The following KPNA6 variants were observed in gnomAD, a reference collection of about 807,000 sequenced individuals.
KPNA6 encodes karyopherin subunit alpha 6.
A neutral mutation model predicts 72.0 loss-of-function variants in KPNA6; 9 were observed. The ratio of observed to expected loss-of-function variants is 0.13; its 90% confidence interval spans 0.08 to 0.22. The LOEUF (loss-of-function observed/expected upper bound fraction) is 0.22, where lower values mean the gene tolerates loss of function less well. Ranked by LOEUF, KPNA6 falls within the 10% of genes least tolerant of loss-of-function variation. The probability of loss-of-function intolerance (pLI) is 1.00; values close to 1 mark genes in which losing one functional copy is unlikely to be tolerated. For missense variants in KPNA6, 374 were observed against 655.7 expected (o/e 0.57, Z 4.69); for synonymous variants, 219 against 242.1 (o/e 0.90, Z 0.89).
intron 1 of KPNA6, among the ~76,000 whole-genome samples, chr1:32,118,646 G>A (rs1010202186): frequency 3.3e-5 from 5 of 151,836 alleles, no homozygotes; most frequent in African/African-American, 4.8e-5. Flanking sequence ...AAAAAAATTA[G>A]TTGGGCGTGG....
rs1370263862 is a variant in KPNA6, at chr1:32,158,339, G to A, written c.404G>A (p.Arg135Lys). Residue 135 changes from arginine to lysine, a missense_variant, in exon 5 of 14, where the codon AGG (arginine) becomes AAG (lysine). Coordinates refer to ENST00000373625, the MANE Select transcript of KPNA6 (RefSeq NM_012316.5). ...VVDRFVEFLK[R>K]NENCTLQFEA... ...GATCGGTTCGTGGAGTTTCTGAAGA[G>A]GAATGAGAATTGTACATTACAGGTG... 2.5e-6 allele frequency: 4 copies of A among 1,612,756 alleles called. No homozygotes were observed. The highest frequency in any genetic ancestry group is 3.4e-6 in the Non-Finnish European group (4 of 1,178,812).
Position 32,108,084 on chromosome 1 carries a change from G to C in KPNA6, c.-47G>C. On this transcript the variant is annotated 5_prime_UTR_variant, in exon 1 of 14. Coordinates refer to ENST00000373625, the MANE Select transcript of KPNA6 (RefSeq NM_012316.5). ...TTGTCTACTGAAAGCTGCCGCTGAA[G>C]CTGCCGCCGTTGCCTCCGCCGCCAA... The C allele has an allele frequency of 6.2e-7, 1 of 1,613,822 alleles. No individual in the cohort carries two copies. The highest frequency in any genetic ancestry group is 2.2e-5 in the East Asian group (1 of 44,880).
chr1:32,165,794 A>G (rs1019449277), intron 10 of KPNA6, among the ~76,000 whole-genome samples: 7 of 151,870 alleles, frequency 4.6e-5, no homozygotes, highest in African/African-American at 1.7e-4. Flanking sequence ...GGTCAGGAGC[A>G]TGAGACCAGC....
At position 32,157,075 on chromosome 1, in the gene KPNA6, C is replaced by A. The variant is rs558499095; in HGVS notation, c.231+130C>A. ...AAGTTCTTTCCTCTGTGGACCCTTT[C>A]GTCAGCTTTAGGAGTCAACAAAGAT... is the stretch of plus-strand genomic sequence containing the variant. On this transcript the variant is annotated intron_variant, in intron 3 of 13. Coordinates refer to ENST00000373625, the MANE Select transcript of KPNA6 (RefSeq NM_012316.5). 4.2e-5 allele frequency: 28 copies of A among 671,810 alleles called. No homozygotes were observed. The African/African-American group carries it at 5.1e-4, about 12-fold the overall frequency. The allele number at this position is 671,810 out of a possible 1,614,324, so 41.6% of individuals were successfully genotyped here. A position where few individuals can be genotyped will look rare whatever the true frequency, so the allele number is the denominator to read the frequency against.
chr1:32,111,878 C>T (rs1641248727), intron 1 of KPNA6, among the ~76,000 whole-genome samples: 1 of 152,160 alleles, frequency 6.6e-6, no homozygotes, highest in Non-Finnish European at 1.5e-5. Flanking sequence ...CTGGAGATTG[C>T]TTTATTCTGA....
intron 1 of KPNA6, among the ~76,000 whole-genome samples, chr1:32,137,916 C>T (rs188682348): frequency 2.0e-5 from 3 of 152,168 alleles, no homozygotes; most frequent in Non-Finnish European, 4.4e-5. Flanking sequence ...AGGCAGATCA[C>T]TTGAGGTCAG....
intron 10 of KPNA6, among the ~76,000 whole-genome samples, chr1:32,164,614 G>A (rs1026941599): frequency 6.8e-6 from 1 of 147,890 alleles, no homozygotes; most frequent in African/African-American, 2.5e-5. Context: ...ATATTTCATT[G>A]TGGTTTTGAT....
intron 1 of KPNA6, among the ~76,000 whole-genome samples, chr1:32,132,743 A>G (rs1228947229): frequency 1.3e-5 from 2 of 152,144 alleles, no homozygotes; most frequent in African/African-American, 4.8e-5. Context: ...CTCTACTAAA[A>G]ATACAAAAAA....
intron 1 of KPNA6, among the ~76,000 whole-genome samples, chr1:32,133,082 A>G (rs1165278772): frequency 6.6e-6 from 1 of 150,834 alleles, no homozygotes; most frequent in African/African-American, 2.4e-5. Context: ...GGGGTCTCAC[A>G]CCTGTAATCC....
Position 32,170,958 on chromosome 1 carries a change from G to A in KPNA6, c.*64G>A, listed in dbSNP as rs748963599. The A allele has an allele frequency of 1.8e-5, 27 of 1,474,318 alleles. No homozygotes were observed. The highest frequency in any genetic ancestry group is 2.4e-5 in the Non-Finnish European group (25 of 1,060,664). 91.3% of individuals were successfully genotyped at this position (1,474,318 alleles called of 1,614,324 possible). A position where few individuals can be genotyped will look rare whatever the true frequency, so the allele number is the denominator to read the frequency against. On this transcript the variant is annotated 3_prime_UTR_variant, in exon 14 of 14. Transcript: ENST00000373625. The stretch of plus-strand genomic sequence containing the variant: ...CCAGCCAGCGGAAGAGCAGCCCTCT[G>A]GTGGGCGGGAAACCAGTGTCCCCAC...
chr1:32,172,925 T>C lies in KPNA6; in HGVS notation c.*2031T>C. 5.0e-6 allele frequency: 2 copies of C among 396,450 alleles called. No individual in the cohort carries two copies. Among genetic ancestry groups the C allele is most frequent in the Non-Finnish European group, 8.9e-6 (2 of 225,176 alleles). 24.6% of individuals were successfully genotyped at this position (396,450 alleles called of 1,614,324 possible). ...AAGTTCAGGTACTTATTATTGGCCA[T>C]TGATCTTGAATTTGCCCTCTCCTAG... is the stretch of plus-strand genomic sequence containing the variant. On this transcript the variant is annotated 3_prime_UTR_variant, in exon 14 of 14. Coordinates refer to ENST00000373625, the MANE Select transcript of KPNA6 (RefSeq NM_012316.5).
chr1:32,172,845 C>T lies in KPNA6; in HGVS notation c.*1951C>T. 2.7e-6 allele frequency: 1 copy of T among 367,726 alleles called. No individual in the cohort carries two copies. The highest frequency in any genetic ancestry group is 4.8e-6 in the Non-Finnish European group (1 of 207,272). 22.8% of individuals were successfully genotyped at this position (367,726 alleles called of 1,614,324 possible). A position where few individuals can be genotyped will look rare whatever the true frequency, so the allele number is the denominator to read the frequency against. ...AACAATGCCATTCTTGCTTCTATTG[C>T]TACACATCTCCTTCTGGCTCAGGTG... On this transcript the variant is annotated 3_prime_UTR_variant, in exon 14 of 14. Transcript: ENST00000373625.
At chr1:32,160,794 A>G in intron 7 of KPNA6, 91 bp downstream of exon 7, 1 of 865,624 alleles carries the variant, frequency 1.2e-6, no homozygotes. Context: ...CCTTAAGATG[A>G]TAGGTAAGTG....
In KPNA6 at chr1:32,170,868, GC is replaced by G; in HGVS notation, c.1590del (p.Met531TrpfsTer99). 6.2e-7 allele frequency: 1 copy of G among 1,614,208 alleles called. No individual in the cohort carries two copies. Among genetic ancestry groups the G allele is most frequent in the Non-Finnish European group, 8.5e-7 (1 of 1,180,028 alleles). On this transcript the variant is annotated frameshift_variant, in exon 14 of 14. Transcript: ENST00000373625. LOFTEE classifies it high-confidence loss of function. ...GCAGTTCATCTTCCAGCAGCCTGAG[GC>G]CCCCATGGAGGGCTTCCAGCTATAA... ...QQQFIFQQPE[A>X]PMEGFQL
At chr1:32,121,314 A>AG (rs572245722) in intron 1 of KPNA6, among the ~76,000 whole-genome samples, 166 of 152,310 alleles carry the variant, frequency 1.1e-3, no homozygotes, top group East Asian at 0.011. Context: ...GCTGAAGCCA[A>AG]GGGGAAAAAA....
chr1:32,112,992 T>C (rs961351083), intron 1 of KPNA6, among the ~76,000 whole-genome samples: 1 of 152,212 alleles, frequency 6.6e-6, no homozygotes, highest in African/African-American at 2.4e-5. Flanking sequence ...CAGATTTCTC[T>C]GTAATGTGAT....
chr1:32,127,432 T>A (rs527433228), intron 1 of KPNA6, among the ~76,000 whole-genome samples: 1 of 152,224 alleles, frequency 6.6e-6, no homozygotes, highest in Non-Finnish European at 1.5e-5. Flanking sequence ...CTCCTAAATC[T>A]AACTCCCTCA....
At chr1:32,143,016 ATG>A (rs1371046376) in intron 1 of KPNA6, 5 of 1,288,486 alleles carry the variant, frequency 3.9e-6, no homozygotes, top group Non-Finnish European at 5.1e-6. Flanking sequence ...ATGAAAAGCT[ATG>A]TGTCAGGTAA....
intron 1 of KPNA6, among the ~76,000 whole-genome samples, chr1:32,122,957 CA>C (rs912635889): frequency 0.09 from 5,048 of 56,126 alleles, 100 homozygotes; most frequent in African/African-American, 0.15. Flanking sequence ...AACTCCATCT[CA>C]AAAAAAAAAA....
Sources: allele counts gnomAD v4.1 joint callset (sites outside exome capture counted in the v4.1 genomes callset), GRCh38; gene constraint gnomAD v4.1.1; transcripts MANE v1.5; gene names NCBI Gene and HGNC (gene_info 2026-07-23, HGNC 2026-07-21).